DRC1: variants seen among roughly 807,000 people sequenced by gnomAD.
DRC1 encodes the protein dynein regulatory complex protein 1.
In DRC1, 74 loss-of-function variants were observed where a neutral mutation model predicts 98.7. The ratio of observed to expected loss-of-function variants is 0.75; its 90% CI spans 0.62 to 0.91. The LOEUF is 0.91. Ranked by LOEUF, DRC1 falls within the 40% of genes least tolerant of loss-of-function variation. DRC1 has a pLI of 0.00. For synonymous variants in DRC1, 336 were observed against 334.1 expected, an observed-to-expected ratio of 1.01 and a Z score of -0.06; for missense variants, 875 against 886.0, an observed-to-expected ratio of 0.99 and a Z score of 0.16.
chr2:26,434,172 G>A (rs1663508319), intron 7 of DRC1, among the ~76,000 whole-genome samples: 1 of 152,094 alleles, frequency 6.6e-6, no homozygotes, highest in African/African-American at 2.4e-5. Context: ...ACAAAAATAG[G>A]AAGGATACAG....
chr2:26,445,923 G>T (rs911920539), intron 10 of DRC1, among the ~76,000 whole-genome samples: 1 of 152,012 alleles, frequency 6.6e-6, no homozygotes, highest in East Asian at 1.9e-4. Context: ...CTCCCAAAAG[G>T]CTGGAATTAC....
chr2:26,407,934 T>C (rs1369177322), intron 1 of DRC1, among the ~76,000 whole-genome samples: 1 of 152,210 alleles, frequency 6.6e-6, no homozygotes, highest in East Asian at 1.9e-4. Context: ...GTTTTCTCCG[T>C]AAATATTCAC....
intron 12 of DRC1, 88 bp from the exon 13 acceptor site, chr2:26,450,504 C>T (rs1027193614): frequency 2.4e-5 from 29 of 1,228,524 alleles, no homozygotes; most frequent in Non-Finnish European, 3.3e-5. Context: ...CCAAGCCTCC[C>T]GCTCTTAGGA....
chr2:26,414,725 T>C (rs1290597037), intron 2 of DRC1, among the ~76,000 whole-genome samples: 2 of 152,234 alleles, frequency 1.3e-5, no homozygotes, highest in African/African-American at 4.8e-5. Flanking sequence ...TGTTCCCATC[T>C]TCACTTTCCA....
chr2:26,455,658 A>G (rs1318765252), intron 16 of DRC1, among the ~76,000 whole-genome samples: 1 of 152,212 alleles, frequency 6.6e-6, no homozygotes. Context: ...CAGAGTTTGC[A>G]ACTCGTCCAG....
chr2:26,411,828 G>A (rs894252774), intron 1 of DRC1, among the ~76,000 whole-genome samples: 4 of 151,934 alleles, frequency 2.6e-5, no homozygotes, highest in African/African-American at 9.7e-5. Context: ...TATCTGGACT[G>A]CATGGTTTTT....
chr2:26,417,962 A>C (rs374744448), intron 2 of DRC1, among the ~76,000 whole-genome samples: 5 of 151,970 alleles, frequency 3.3e-5, no homozygotes, highest in African/African-American at 9.7e-5. Context: ...CTTCCTGTCT[A>C]ATTTTATATC....
intron 2 of DRC1, among the ~76,000 whole-genome samples, chr2:26,416,184 G>C (rs1483600032): frequency 2.0e-5 from 3 of 152,086 alleles, no homozygotes; most frequent in African/African-American, 7.2e-5. Flanking sequence ...CAAGATTAAG[G>C]CATTGATTAT....
At chr2:26,415,242 G>T (rs1197662443) in intron 2 of DRC1, among the ~76,000 whole-genome samples, 1 of 152,166 alleles carries the variant, frequency 6.6e-6, no homozygotes, top group Admixed American at 6.5e-5. Context: ...CAGCAGACCA[G>T]AACTGGCAAA....
chr2:26,448,170 A>G (rs1327176167), intron 10 of DRC1: 2 of 289,538 alleles, frequency 6.9e-6, no homozygotes, highest in African/African-American at 4.5e-5. Context: ...GGTTGCAGTG[A>G]GCTGAGATCA....
At chr2:26,422,921 TA>T (rs748957985) in intron 3 of DRC1, among the ~76,000 whole-genome samples, 1,476 of 129,542 alleles carry the variant, frequency 0.011, 2 homozygotes, top group East Asian at 0.021. Context: ...ACCTAGTCTT[TA>T]AAAAAAAAAA....
At chr2:26,447,115 A>T (rs10193369) in intron 10 of DRC1, among the ~76,000 whole-genome samples, 57,519 of 149,096 alleles carry the variant, frequency 0.39, 12,811 homozygotes, top group Non-Finnish European at 0.52. Context: ...AATAAAAATT[A>T]AAAAAAAAAT....
At chr2:26,427,953 A>C (rs1303437838) in intron 4 of DRC1, among the ~76,000 whole-genome samples, 2 of 152,204 alleles carry the variant, frequency 1.3e-5, no homozygotes, top group Non-Finnish European at 1.5e-5. Context: ...TATAGGTACC[A>C]CATTTGCTTT....
intron 4 of DRC1, among the ~76,000 whole-genome samples, chr2:26,425,058 T>A (rs1418705840): frequency 6.6e-6 from 1 of 152,240 alleles, no homozygotes; most frequent in African/African-American, 2.4e-5. Flanking sequence ...ATGGAAATTC[T>A]ATGCCCCTTA....
chr2:26,426,057 G>A (rs1474996378), intron 4 of DRC1, among the ~76,000 whole-genome samples: 2 of 152,116 alleles, frequency 1.3e-5, no homozygotes, highest in East Asian at 1.9e-4. Flanking sequence ...AATCGATTTT[G>A]AGTTATTTTT....
chr2:26,422,453 G>A (rs1383104383), intron 3 of DRC1, among the ~76,000 whole-genome samples: 3 of 152,182 alleles, frequency 2.0e-5, no homozygotes, highest in Non-Finnish European at 2.9e-5. Context: ...TCCTCAGGAG[G>A]CAGGCTGCCC....
Position 26,440,485 on chromosome 2 carries a change from A to G in DRC1, c.996A>G (p.Val332=), listed in dbSNP as rs943144910. The change falls in exon 8 of 17, where the codon GTA becomes GTG. Residue 332 remains valine, a synonymous_variant. Coordinates refer to ENST00000288710, the MANE Select transcript of DRC1 (RefSeq NM_145038.5). ...VLKKRDEEST[V]IKSQQKRKIN... ...AGAAGAGAGATGAAGAAAGCACAGT[A>G]ATTAAATCCCAGCAGAAGAGGAAGA... The G allele has an allele frequency of 1.9e-6, 3 of 1,612,906 alleles. No homozygotes were observed. Among genetic ancestry groups the G allele is most frequent in the Admixed American group, 3.3e-5 (2 of 59,952 alleles).
chr2:26,405,072 C>T (rs34952935), intron 1 of DRC1, among the ~76,000 whole-genome samples: 63,066 of 152,016 alleles, frequency 0.41, 14,788 homozygotes, highest in Non-Finnish European at 0.54. Context: ...TTGTGGGGAC[C>T]CTGCTGCCTC....
At chr2:26,414,905 C>T (rs1005311498) in intron 2 of DRC1, among the ~76,000 whole-genome samples, 1 of 152,130 alleles carries the variant, frequency 6.6e-6, no homozygotes, top group African/African-American at 2.4e-5. Flanking sequence ...GGCCACTTTC[C>T]CATTTTCAAC....
Sources: gnomAD v4.1 joint callset for allele counts (sites outside exome capture counted in the v4.1 genomes callset) on GRCh38, gnomAD v4.1.1 for gene constraint, MANE v1.5 for transcripts, NCBI Gene and HGNC (gene_info 2026-07-23, HGNC 2026-07-21) for gene names.